The following GVQW3 variants were observed in gnomAD, a reference collection of about 807,000 sequenced individuals.
GVQW3 encodes the protein protein GVQW3.
Under a neutral mutation model 12.5 loss-of-function variants are expected in GVQW3, and 7 were observed. The observed-to-expected ratio is 0.56, with a 90% CI of 0.32 to 1.05. The LOEUF is 1.05. Ranked by LOEUF, GVQW3 falls within the 50% of genes least tolerant of loss-of-function variation. The probability of loss-of-function intolerance (pLI) is 0.04; values close to 1 mark genes in which losing one functional copy is unlikely to be tolerated. For synonymous variants in GVQW3, 71 were observed against 67.2 expected (o/e 1.06, Z -0.28); for missense variants, 188 against 190.8 (o/e 0.99, Z 0.09).
intron 1 of GVQW3, among the ~76,000 whole-genome samples, chr11:76,394,296 T>A (rs993582080): frequency 6.6e-6 from 1 of 152,162 alleles, no homozygotes; most frequent in Non-Finnish European, 1.5e-5. Context: ...CTAACTATTT[T>A]TTGGTACCCA....
Position 76,406,583 on chromosome 11 carries a change from T to C in GVQW3, c.*2825T>C, listed in dbSNP as rs1411145656. On this transcript the variant is annotated 3_prime_UTR_variant, in exon 2 of 2. Transcript: ENST00000529331. ...ACGAATTTCAAGTGACTTTTGACTA[T>C]TGCCAAAAATCAAAAATCATTCCCT... is the stretch of plus-strand genomic sequence containing the variant. 2 of 152,250 alleles carry C rather than the reference T, an allele frequency of 1.3e-5. No homozygotes were observed. Among genetic ancestry groups the C allele is most frequent in the African/African-American group, 4.8e-5 (2 of 41,470 alleles). 9.4% of individuals were successfully genotyped at this position (152,250 alleles called of 1,614,324 possible). A position where few individuals can be genotyped will look rare whatever the true frequency, so the allele number is the denominator to read the frequency against.
Position 76,381,836 on chromosome 11 carries a change from A to G in GVQW3, c.8A>G (p.Asp3Gly), listed in dbSNP as rs1946772111. Reference protein sequence around the residue: MSDRYLEQRISIK... With the variant: MSGRYLEQRISIK... ...GTGTTGTTCAGTGCCAGAATGAGTG[A>G]CCGCTATTTAGAACAAAGGATTAGT... Residue 3 changes from aspartate to glycine, a missense_variant, in exon 1 of 2, where the codon GAC (aspartate) becomes GGC (glycine). Coordinates refer to ENST00000529331, the MANE Select transcript of GVQW3 (RefSeq NM_001347885.2). The G allele has an allele frequency of 1.3e-6, 2 of 1,528,888 alleles. No homozygotes were observed. Among genetic ancestry groups the G allele is most frequent in the East Asian group, 2.4e-5 (1 of 40,902 alleles). 94.7% of individuals were successfully genotyped at this position (1,528,888 alleles called of 1,614,324 possible).
Position 76,381,456 on chromosome 11 carries a change from T to C in GVQW3, c.-373T>C, listed in dbSNP as rs553672289. ...ACCGATGCATCTCTTCTTGCTTGCT[T>C]AATTTGCCACCACTTAGGCCTTTCT... On this transcript the variant is annotated 5_prime_UTR_variant, in exon 1 of 2. It removes the in-frame stop codon of an upstream open reading frame in the 5' UTR. Coordinates refer to ENST00000529331, the MANE Select transcript of GVQW3 (RefSeq NM_001347885.2). The C allele has an allele frequency of 3.8e-5, 7 of 182,354 alleles. No homozygotes were observed. The South Asian group carries it at 9.7e-4, about 25-fold the overall frequency. The allele number at this position is 182,354 out of a possible 1,614,324, so 11.3% of individuals were successfully genotyped here. A position where few individuals can be genotyped will look rare whatever the true frequency, so the allele number is the denominator to read the frequency against.
chr11:76,410,424 G>C (rs561495041), downstream of GVQW3, among the ~76,000 whole-genome samples: 38 of 119,626 alleles, frequency 3.2e-4, no homozygotes, highest in African/African-American at 1.2e-3. Context: ...CTGGGAAAAG[G>C]GTCTGTTTTG....
intron 1 of GVQW3, among the ~76,000 whole-genome samples, chr11:76,384,757 T>TCAGGACAATGAAGTCTTC (rs1395476828): frequency 6.6e-6 from 1 of 152,244 alleles, no homozygotes; most frequent in Non-Finnish European, 1.5e-5. Context: ...ACATTCCATT[T>TCAGGACAATGAAGTCTTC]CAGGACAATG....
Position 76,382,664 on chromosome 11 carries a change from T to G in GVQW3, c.465+371T>G, listed in dbSNP as rs371601861. ...ACTTTTGGCTGTTCCCTTCTGGTAT[T>G]TGCTTGTTCTTGATTTCTTTTGCTC... On this transcript the variant is annotated intron_variant, in intron 1 of 1. Transcript: ENST00000529331. 60 of 502,036 alleles carry G rather than the reference T, an allele frequency of 1.2e-4. 1 individual carries two copies. The highest frequency in any genetic ancestry group is 7.4e-4 in the East Asian group (24 of 32,354). The allele number at this position is 502,036 out of a possible 1,614,324, so 31.1% of individuals were successfully genotyped here. A position where few individuals can be genotyped will look rare whatever the true frequency, so the allele number is the denominator to read the frequency against.
chr11:76,387,261 C>A (rs191170028), intron 1 of GVQW3, among the ~76,000 whole-genome samples: 61 of 151,470 alleles, frequency 4.0e-4, no homozygotes, highest in African/African-American at 1.5e-3. Flanking sequence ...CATGGTAAAA[C>A]CTCATCTCTA....
Position 76,382,236 on chromosome 11 carries a change from C to G in GVQW3, c.408C>G (p.Asp136Glu). The G allele has an allele frequency of 6.5e-7, 1 of 1,535,992 alleles. No homozygotes were observed. The change falls in exon 1 of 2, where the codon GAC (aspartate) becomes GAG (glutamate). Residue 136 changes from aspartate (D) to glutamate (E), a missense_variant. Coordinates refer to ENST00000529331, the MANE Select transcript of GVQW3 (RefSeq NM_001347885.2). ...LKGEPKPRKL[D>E]FRSDLSKETR... ...GTGAGCCTAAACCACGAAAACTTGA[C>G]TTTCGGTCCGATCTTTCAAAGGAAA... is the stretch of plus-strand genomic sequence containing the variant.
chr11:76,401,495 C>T (rs184152253), intron 1 of GVQW3, among the ~76,000 whole-genome samples: 112 of 152,062 alleles, frequency 7.4e-4, no homozygotes, highest in Admixed American at 2.0e-3. Flanking sequence ...TTTATCTTGC[C>T]GGGCGTGGTG....
At chr11:76,382,621 T>C in intron 1 of GVQW3, 1 of 535,766 alleles carries the variant, frequency 1.9e-6, no homozygotes, top group East Asian at 2.9e-5. Context: ...TCCTTGCTGT[T>C]CTCCATAACT....
intron 1 of GVQW3, among the ~76,000 whole-genome samples, chr11:76,402,618 C>A (rs912399808): frequency 7.9e-5 from 12 of 151,988 alleles, no homozygotes; most frequent in Admixed American, 7.9e-4. Flanking sequence ...GCAAGGAGTG[C>A]GATGTGAGAC....
intron 1 of GVQW3, among the ~76,000 whole-genome samples, chr11:76,394,330 C>T (rs1946920751): frequency 6.6e-6 from 1 of 152,096 alleles, no homozygotes; most frequent in African/African-American, 2.4e-5. Context: ...TTTCCCCCCA[C>T]CCCACCCTCC....
In GVQW3 at chr11:76,405,333, A is replaced by C. The variant is rs919529833; in HGVS notation, c.*1575A>C. The C allele has an allele frequency of 8.5e-5, 13 of 152,288 alleles. No individual in the cohort carries two copies. The highest frequency in any genetic ancestry group is 2.9e-4 in the African/African-American group (12 of 41,458). 9.4% of individuals were successfully genotyped at this position (152,288 alleles called of 1,614,324 possible). ...CCAGTCAACAGGGTCTGCCATGTGC[A>C]TAGAAAGCACAGTATGTATTTGGCA... is the stretch of plus-strand genomic sequence containing the variant. On this transcript the variant is annotated 3_prime_UTR_variant, in exon 2 of 2. Coordinates refer to ENST00000529331, the MANE Select transcript of GVQW3 (RefSeq NM_001347885.2).
intron 1 of GVQW3, among the ~76,000 whole-genome samples, chr11:76,385,886 G>C (rs1011868697): frequency 5.9e-5 from 9 of 152,144 alleles, no homozygotes; most frequent in African/African-American, 1.9e-4. Flanking sequence ...GTTACCTCTA[G>C]TAGCAAGAGT....
At chr11:76,402,135 T>G (rs868599997) in intron 1 of GVQW3, among the ~76,000 whole-genome samples, 93 of 152,192 alleles carry the variant, frequency 6.1e-4, no homozygotes, top group African/African-American at 2.1e-3. Context: ...AGGATCTATA[T>G]CTGAGTCTGA....
chr11:76,382,653 C>G (rs2134530293), intron 1 of GVQW3: 1 of 514,334 alleles, frequency 1.9e-6, no homozygotes, highest in South Asian at 3.3e-5. Flanking sequence ...TTGGCTGTTC[C>G]CTTCTGGTAT....
At chr11:76,403,519 G>T in intron 1 of GVQW3, 141 bp from the exon 2 acceptor site, 1 of 401,726 alleles carries the variant, frequency 2.5e-6, no homozygotes, top group Non-Finnish European at 4.4e-6. Context: ...ACCCATGCTG[G>T]AGTATAGTGG....
At position 76,413,948 on chromosome 11, in the gene GVQW3, C is replaced by T. The variant is rs570100683; in HGVS notation, c.*2847C>T. ...GGATCACTGAGATAGAGGATAGAAA[C>T]ATTTTCAAGGTTTCTGATGTGTATT... On this transcript the variant is annotated 3_prime_UTR_variant, in exon 2 of 2. Transcript: ENST00000662483. 2.0e-5 allele frequency: 3 copies of T among 152,186 alleles called. No individual in the cohort carries two copies. In the South Asian group the frequency reaches 6.2e-4, roughly 32 times the overall value. The allele number at this position is 152,186 out of a possible 1,614,324, so 9.4% of individuals were successfully genotyped here.
Position 76,382,206 on chromosome 11 carries a change from G to A in GVQW3, c.378G>A (p.Leu126=). The change falls in exon 1 of 2, where the codon TTG becomes TTA. Residue 126 remains leucine (L), a synonymous_variant. Transcript: ENST00000529331. ...CTGCAAAAGTTATTTCGGGTGTTTTGAAGGGTGAGCCTAAACCACGAAAAC... is the reference window on the plus strand; with the variant it reads ...CTGCAAAAGTTATTTCGGGTGTTTTAAAGGGTGAGCCTAAACCACGAAAAC... ...KISAKVISGV[L]KGEPKPRKLD... is the part of the protein sequence containing the mutation. 1 of 1,536,182 alleles carries A rather than the reference G, an allele frequency of 6.5e-7. No homozygotes were observed.
Sources: gnomAD v4.1 joint callset for allele counts (sites outside exome capture counted in the v4.1 genomes callset) on GRCh38, gnomAD v4.1.1 for gene constraint, MANE v1.5 for transcripts, NCBI Gene and HGNC (gene_info 2026-07-23, HGNC 2026-07-21) for gene names.